Variants in KYNU observed in about 807,000 individuals in gnomAD.
The protein encoded by KYNU is kynureninase.
A neutral mutation model predicts 59.2 loss-of-function variants in KYNU; 54 were observed. The ratio of observed to expected loss-of-function variants is 0.91; its 90% confidence interval spans 0.73 to 1.14. The LOEUF (loss-of-function observed/expected upper bound fraction) is 1.14. KYNU is among the 50% of genes most tolerant of loss of function. KYNU has a pLI of 0.00. For synonymous variants in KYNU, 177 were observed against 192.0 expected, an observed-to-expected ratio of 0.92 and a Z score of 0.65; for missense variants, 567 against 554.4, an observed-to-expected ratio of 1.02 and a Z score of -0.23.
chr2:142,992,590 A>G (rs1435593947), intron 10 of KYNU, among the ~76,000 whole-genome samples: 2 of 151,856 alleles, frequency 1.3e-5, no homozygotes, highest in Non-Finnish European at 2.9e-5. Flanking sequence ...TTGTCATCAG[A>G]TATTAAGGAC....
At position 142,935,762 on chromosome 2, in the gene KYNU, G is replaced by A. The variant is rs74559354; in HGVS notation, c.373+8021G>A. On this transcript the variant is annotated intron_variant, in intron 4 of 13. Coordinates refer to ENST00000264170, the MANE Select transcript of KYNU (RefSeq NM_003937.3). ...GATGGCATCTGAAGGAGTATGGGCC[G>A]GAGGGAAGGAAAAAGCCGGAAGTGG... Among the ~76,000 whole-genome samples the A allele has an allele frequency of 8.0e-3, 1,219 of 152,246 alleles. 15 individuals carry two copies. The highest frequency in any genetic ancestry group is 0.028 in the African/African-American group (1,167 of 41,534).
At position 142,936,999 on chromosome 2, in the gene KYNU, T is replaced by C. The variant is rs552541694; in HGVS notation, c.373+9258T>C. Among the ~76,000 whole-genome samples, 1,158 of 152,308 alleles carry C rather than the reference T, an allele frequency of 7.6e-3. 7 individuals carry two copies. Among genetic ancestry groups the C allele is most frequent in the African/African-American group, 0.027 (1,110 of 41,546 alleles). ...CGCCTGGGTGCAGGTGGGCTGAGGCTGAAAATGGCATCAGCACCAAGTGAG... is the reference window on the plus strand; with the variant it reads ...CGCCTGGGTGCAGGTGGGCTGAGGCCGAAAATGGCATCAGCACCAAGTGAG... On this transcript the variant is annotated intron_variant, in intron 4 of 13. Coordinates refer to ENST00000264170, the MANE Select transcript of KYNU (RefSeq NM_003937.3).
chr2:142,972,825 G>A (rs1012242408), intron 8 of KYNU, among the ~76,000 whole-genome samples: 1 of 149,908 alleles, frequency 6.7e-6, no homozygotes, highest in African/African-American at 2.4e-5. Flanking sequence ...GAGAGAGAGA[G>A]AGAGAGAGAG....
rs570477035 is a variant in KYNU, at chr2:142,973,273, A to T, written c.730-11811A>T. On this transcript the variant is annotated intron_variant, in intron 8 of 13. Transcript: ENST00000264170. ...AATTGTCTCTCTTGAGAATATTGAA[A>T]ACTCACAAGTTTTACTTTGCTCCTA... Among the ~76,000 whole-genome samples the T allele has an allele frequency of 2.0e-5, 3 of 152,066 alleles. No homozygotes were observed. The East Asian group carries it at 5.9e-4, about 30-fold the overall frequency.
At chr2:143,034,222 T>C (rs934721455) in intron 12 of KYNU, among the ~76,000 whole-genome samples, 1 of 151,782 alleles carries the variant, frequency 6.6e-6, no homozygotes, top group Non-Finnish European at 1.5e-5. Flanking sequence ...AAGTAAAATA[T>C]ATTTTAAGTA....
In KYNU at chr2:142,883,186, C is replaced by CTT. The variant is rs70997528; in HGVS notation, c.-19-2137_-19-2136dup. The stretch of plus-strand genomic sequence containing the variant: ...AGTTTTCTTTCTGGCTCCCAAATTT[C>CTT]TTTTTTTTTTTTTTTTTTTTTTTTT... On this transcript the variant is annotated intron_variant, in intron 1 of 13. Coordinates refer to ENST00000264170, the MANE Select transcript of KYNU (RefSeq NM_003937.3). Among the ~76,000 whole-genome samples, 79 of 72,038 alleles carry CTT rather than the reference C, an allele frequency of 1.1e-3. 6 individuals carry two copies. Among genetic ancestry groups the CTT allele is most frequent in the African/African-American group, 1.3e-3 (21 of 16,486 alleles). 47.3% of individuals were successfully genotyped at this position (72,038 alleles called of 152,430 possible).
intron 10 of KYNU, among the ~76,000 whole-genome samples, chr2:143,007,039 G>A (rs372357438): frequency 3.9e-5 from 6 of 152,068 alleles, no homozygotes; most frequent in South Asian, 4.1e-4. Flanking sequence ...CACCAGCAAC[G>A]GAACAAAGCT....
At chr2:142,944,845 C>G (rs1189734136) in intron 4 of KYNU, among the ~76,000 whole-genome samples, 1 of 152,126 alleles carries the variant, frequency 6.6e-6, no homozygotes. Context: ...TGCAGTAATG[C>G]AAATATTGTA....
intron 2 of KYNU, among the ~76,000 whole-genome samples, chr2:142,895,628 T>C (rs886373409): frequency 2.0e-5 from 3 of 151,562 alleles, no homozygotes; most frequent in South Asian, 4.2e-4. Context: ...TTATCTAAAT[T>C]TTTTTTTTAA....
intron 2 of KYNU, among the ~76,000 whole-genome samples, chr2:142,900,626 C>T (rs1007426125): frequency 6.6e-6 from 1 of 152,180 alleles, no homozygotes; most frequent in Non-Finnish European, 1.5e-5. Flanking sequence ...CGGTCACCTT[C>T]CCAGCTAGGC....
chr2:142,999,191 T>C (rs1685638594), intron 10 of KYNU, among the ~76,000 whole-genome samples: 1 of 152,144 alleles, frequency 6.6e-6, no homozygotes, highest in African/African-American at 2.4e-5. Context: ...TTTCTGTGAA[T>C]ATCCTGGGTC....
chr2:142,947,568 C>G (rs1205217162), intron 4 of KYNU: 1 of 176,228 alleles, frequency 5.7e-6, no homozygotes, highest in East Asian at 1.4e-4. Flanking sequence ...ATTCCATTGA[C>G]TTGGTTGAGA....
At chr2:142,939,419 T>C (rs1406371980) in intron 4 of KYNU, among the ~76,000 whole-genome samples, 1 of 151,676 alleles carries the variant, frequency 6.6e-6, no homozygotes, top group Non-Finnish European at 1.5e-5. Flanking sequence ...CTTACCAACA[T>C]GGTGAAACGC....
At chr2:142,934,682 G>A (rs992517595) in intron 4 of KYNU, among the ~76,000 whole-genome samples, 1 of 152,176 alleles carries the variant, frequency 6.6e-6, no homozygotes, top group African/African-American at 2.4e-5. Context: ...GCCACCATCA[G>A]GGTTACCCTT....
At chr2:142,962,363 G>A (rs1308982554) in intron 8 of KYNU, among the ~76,000 whole-genome samples, 1 of 152,172 alleles carries the variant, frequency 6.6e-6, no homozygotes, top group African/African-American at 2.4e-5. Flanking sequence ...CACCTTACAG[G>A]TTCAGTGTGA....
chr2:143,032,291 A>T lies in KYNU; in HGVS notation c.956-945A>T, dbSNP rs546188308. On this transcript the variant is annotated intron_variant, in intron 11 of 13. Coordinates refer to ENST00000264170, the MANE Select transcript of KYNU (RefSeq NM_003937.3). ...AGACTCCATCTCAAAAACAAAAACA[A>T]AAAAAAAAAACAAAACAAAAAAAAC... Among the ~76,000 whole-genome samples the T allele has an allele frequency of 1.4e-3, 116 of 83,540 alleles. 1 individual carries two copies. Among genetic ancestry groups the T allele is most frequent in the African/African-American group, 3.3e-3 (99 of 29,700 alleles). 54.8% of individuals were successfully genotyped at this position (83,540 alleles called of 152,430 possible). A position where few individuals can be genotyped will look rare whatever the true frequency, so the allele number is the denominator to read the frequency against.
chr2:142,903,293 T>C (rs1338415664), intron 2 of KYNU, among the ~76,000 whole-genome samples: 1 of 152,102 alleles, frequency 6.6e-6, no homozygotes, highest in Non-Finnish European at 1.5e-5. Flanking sequence ...TGCTCGTCCA[T>C]ATTGTCCTTC....
chr2:143,036,908 C>G (rs1686908132), intron 12 of KYNU, among the ~76,000 whole-genome samples: 1 of 152,104 alleles, frequency 6.6e-6, no homozygotes. Flanking sequence ...AAGAAATATT[C>G]AACACAGTCA....
intron 10 of KYNU, among the ~76,000 whole-genome samples, chr2:142,991,771 G>T (rs974407556): frequency 6.6e-6 from 1 of 151,844 alleles, no homozygotes; most frequent in Admixed American, 6.6e-5. Flanking sequence ...CTCATCCACA[G>T]TTATTTCAAC....
Sources: allele counts gnomAD v4.1 joint callset (sites outside exome capture counted in the v4.1 genomes callset), GRCh38; gene constraint gnomAD v4.1.1; transcripts MANE v1.5; gene names NCBI Gene and HGNC (gene_info 2026-07-23, HGNC 2026-07-21).